KIAA0586: variants seen among roughly 807,000 people sequenced by gnomAD.
KIAA0586 encodes the protein protein TALPID3.
Under a neutral mutation model 169.8 loss-of-function variants are expected in KIAA0586, and 144 were observed. The observed-to-expected ratio is 0.85, with a 90% confidence interval of 0.74 to 0.97. The LOEUF is 0.97. Among genes scored for constraint, KIAA0586 ranks in the 50% least tolerant of loss-of-function variants. The pLI, the probability that KIAA0586 is intolerant of heterozygous loss-of-function variation, is 0.00. For synonymous variants in KIAA0586, 625 were observed against 612.4 expected (o/e 1.02, Z -0.30); for missense variants, 1,854 against 1,823.0 (o/e 1.02, Z -0.31).
chr14:58,444,136 G>T lies in KIAA0586; in HGVS notation c.768G>T (p.Arg256Ser), dbSNP rs757161449. The change falls in exon 6 of 31, where the codon AGG becomes AGT. Residue 256 changes from arginine to serine, a missense_variant. Physicochemically the swap from Arg to Ser is moderately radical, Grantham distance 110 (BLOSUM62 -1). Coordinates refer to ENST00000652326, the MANE Select transcript of KIAA0586 (RefSeq NM_001329943.3). ...ATGTGTTTATGGAGCAGCACATAAG[G>T]CATCTTGAAAAGTTACAACAACAAC... ...QMNVFMEQHIRHLEKLQQQQI... is the reference protein window; with the variant it reads ...QMNVFMEQHISHLEKLQQQQI... 16 of 1,613,172 alleles carry T rather than the reference G, an allele frequency of 9.9e-6. No individual in the cohort carries two copies. The highest frequency in any genetic ancestry group is 1.0e-5 in the Non-Finnish European group (12 of 1,179,448).
intron 4 of KIAA0586, among the ~76,000 whole-genome samples, chr14:58,438,334 C>G (rs184317849): frequency 7.9e-5 from 12 of 152,188 alleles, no homozygotes; most frequent in Admixed American, 7.2e-4. Flanking sequence ...TAATGTTTCT[C>G]TTATTGGGCA....
intron 25 of KIAA0586, 22 bp downstream of exon 25, chr14:58,490,262 C>CA: frequency 7.5e-7 from 1 of 1,335,976 alleles, no homozygotes; most frequent in Non-Finnish European, 1.0e-6. Context: ...TTGACTCCAA[C>CA]ACTGAATTCT....
rs2042766634 is a variant in KIAA0586, at chr14:58,490,466, AT to A, written c.3858+227del. On this transcript the variant is annotated intron_variant, in intron 25 of 30. Transcript: ENST00000652326. ...CCCTCGTGGCTCTAGTAGTAAAAAA[AT>A]ATACATTTAATGTAATTAGGTAATG... Among the ~76,000 whole-genome samples, 4 of 152,326 alleles carry A rather than the reference AT, an allele frequency of 2.6e-5. No individual in the cohort carries two copies. The South Asian group carries it at 8.3e-4, about 32-fold the overall frequency.
intron 29 of KIAA0586, among the ~76,000 whole-genome samples, chr14:58,525,736 C>T (rs953715678): frequency 1.3e-5 from 2 of 152,210 alleles, no homozygotes; most frequent in African/African-American, 4.8e-5. Context: ...CGAAACAGGG[C>T]TGAAGCCAGG....
chr14:58,539,758 G>T, intron 29 of KIAA0586: 1 of 203,336 alleles, frequency 4.9e-6, no homozygotes, highest in Non-Finnish European at 9.9e-6. Context: ...TTTCACCTTT[G>T]AAGAAATGGC....
Position 58,512,596 on chromosome 14 carries a change from T to C in KIAA0586, c.4398T>C (p.Asn1466=), listed in dbSNP as rs1480090158. 1 of 1,529,378 alleles carries C rather than the reference T, an allele frequency of 6.5e-7. No homozygotes were observed. Among genetic ancestry groups the C allele is most frequent in the Non-Finnish European group, 8.7e-7 (1 of 1,145,322 alleles). The allele number at this position is 1,529,378 out of a possible 1,614,324, so 94.7% of individuals were successfully genotyped here. The change falls in exon 29 of 31, where the codon AAT becomes AAC. Residue 1466 remains asparagine (N), a synonymous_variant. Coordinates refer to ENST00000652326, the MANE Select transcript of KIAA0586 (RefSeq NM_001329943.3). ...CACAAAGTTACCTACGTGTTAGAAATAAATCTGATATTGCACCTTCACAGC... is the reference window on the plus strand; with the variant it reads ...CACAAAGTTACCTACGTGTTAGAAACAAATCTGATATTGCACCTTCACAGC... ...KPSQSYLRVR[N]KSDIAPSQQQ...
Position 58,442,886 on chromosome 14 carries a change from T to G in KIAA0586, c.585+6T>G. 1 of 1,591,746 alleles carries G rather than the reference T, an allele frequency of 6.3e-7. No homozygotes were observed. The highest frequency in any genetic ancestry group is 8.6e-7 in the Non-Finnish European group (1 of 1,168,960). On this transcript the variant is annotated splice_donor_region_variant and intron_variant, in intron 5 of 30. Transcript: ENST00000652326. ...CCGCAGCTCCGTTGATAAAGGTATATTTTTCTTCCCAGATAATCATAACTA... is the reference window on the plus strand; with the variant it reads ...CCGCAGCTCCGTTGATAAAGGTATAGTTTTCTTCCCAGATAATCATAACTA...
At chr14:58,438,485 T>G (rs2038023231) in intron 4 of KIAA0586, among the ~76,000 whole-genome samples, 1 of 152,160 alleles carries the variant, frequency 6.6e-6, no homozygotes, top group South Asian at 2.1e-4. Flanking sequence ...TACTTGCTGT[T>G]TGGTATGAAA....
intron 25 of KIAA0586, 31 bp from the exon 26 acceptor site, chr14:58,492,113 T>C: frequency 6.9e-7 from 1 of 1,451,476 alleles, no homozygotes. Context: ...AAATAATTTA[T>C]TTTTATTAAT....
At chr14:58,555,169 C>T (rs1367716787), downstream of KIAA0586, among the ~76,000 whole-genome samples, 7 of 139,006 alleles carry the variant, frequency 5.0e-5, no homozygotes, top group Admixed American at 8.1e-5. Context: ...GGCACAATCT[C>T]GGCTCACTTC....
chr14:58,488,591 C>G lies in KIAA0586; in HGVS notation c.3528-30C>G, dbSNP rs776392718. The G allele has an allele frequency of 2.5e-6, 4 of 1,609,422 alleles. No homozygotes were observed. In the East Asian group the frequency reaches 6.7e-5, roughly 27 times the overall value. ...TGAATACAGGCCTTCAGTGACCTAACAAGCTCCAAATATGTCTTTATTTTC... is the reference window on the plus strand; with the variant it reads ...TGAATACAGGCCTTCAGTGACCTAAGAAGCTCCAAATATGTCTTTATTTTC... On this transcript the variant is annotated intron_variant, in intron 23 of 30. Transcript: ENST00000652326.
intron 6 of KIAA0586, among the ~76,000 whole-genome samples, chr14:58,447,519 C>CA (rs1368782217): frequency 6.7e-6 from 1 of 149,758 alleles, no homozygotes; most frequent in Non-Finnish European, 1.5e-5. Flanking sequence ...CCTGCTCTGT[C>CA]ACCCAGGCTG....
At chr14:58,484,925 T>TAAATATATA (rs1491269229) in intron 21 of KIAA0586, among the ~76,000 whole-genome samples, 11 of 12,994 alleles carry the variant, frequency 8.5e-4, no homozygotes, top group Non-Finnish European at 1.2e-3. Flanking sequence ...TATATATATA[T>TAAATATATA]TTTTTTTTTT....
rs373649439 is a variant in KIAA0586 at position 58,492,273 on chromosome 14, G to A, written c.3988G>A (p.Glu1330Lys). 19 of 1,539,788 alleles carry A rather than the reference G, an allele frequency of 1.2e-5. No individual in the cohort carries two copies. Among genetic ancestry groups the A allele is most frequent in the Middle Eastern group, 1.7e-4 (1 of 5,940 alleles). ...AVSQQAVYHS[E>K]DLENSVGELS... is the part of the protein sequence containing the mutation. ...TTCCCAGCAAGCAGTCTATCATTCAGAGGTACTTTTTAACTTTAATGACTT... is the reference window on the plus strand; with the variant it reads ...TTCCCAGCAAGCAGTCTATCATTCAAAGGTACTTTTTAACTTTAATGACTT... Residue 1330 changes from glutamate to lysine, a missense_variant and splice_region_variant, in exon 26 of 31, where the codon GAG becomes AAG. Physicochemically the swap from Glu to Lys is moderately conservative, Grantham distance 56. Transcript: ENST00000652326.
rs761745741 is a variant in KIAA0586 at position 58,487,042 on chromosome 14, T to A, written c.3180T>A (p.Pro1060=). 2.0e-5 allele frequency: 32 copies of A among 1,613,280 alleles called. 1 individual carries two copies. Among genetic ancestry groups the A allele is most frequent in the Non-Finnish European group, 8.5e-7 (1 of 1,179,370 alleles). The change falls in exon 22 of 31, where the codon CCT becomes CCA. Residue 1060 remains proline, a synonymous_variant. Coordinates refer to ENST00000652326, the MANE Select transcript of KIAA0586 (RefSeq NM_001329943.3). ...RVCTPLPTPQ[P]TPPCSPSSPA... ...GCACCCCACTGCCTACCCCACAGCC[T>A]ACGCCTCCTTGCTCACCTTCATCAC...
chr14:58,501,779 C>A (rs2043589260), intron 27 of KIAA0586, among the ~76,000 whole-genome samples: 1 of 152,120 alleles, frequency 6.6e-6, no homozygotes. Context: ...ACCCAAATTT[C>A]TTTATGTGTC....
At chr14:58,524,717 A>G (rs2045460446) in intron 29 of KIAA0586, among the ~76,000 whole-genome samples, 1 of 152,232 alleles carries the variant, frequency 6.6e-6, no homozygotes, top group South Asian at 2.1e-4. Context: ...ATTTCATGGT[A>G]ATTAAAGACA....
At chr14:58,427,664 T>C (rs2036931142), upstream of KIAA0586, 4 of 1,535,506 alleles carry the variant, frequency 2.6e-6, no homozygotes, top group Non-Finnish European at 3.5e-6. Context: ...GCATGCGTGT[T>C]GTGTCTCAAG....
rs75982284 is a variant in KIAA0586 at position 58,468,848 on chromosome 14, C to T, written c.2442+926C>T. ...TTACTTACAAATAATTAGAACACTC[C>T]AGTCCTTAGACTGCTCCAAGGTTCC... On this transcript the variant is annotated intron_variant, in intron 16 of 30. Coordinates refer to ENST00000652326, the MANE Select transcript of KIAA0586 (RefSeq NM_001329943.3). Among the ~76,000 whole-genome samples the T allele has an allele frequency of 6.2e-3, 940 of 152,332 alleles. 10 individuals carry two copies. The highest frequency in any genetic ancestry group is 0.021 in the African/African-American group (857 of 41,570).
Sources: gnomAD v4.1 joint callset for allele counts (sites outside exome capture counted in the v4.1 genomes callset) on GRCh38, gnomAD v4.1.1 for gene constraint, MANE v1.5 for transcripts, NCBI Gene and HGNC (gene_info 2026-07-23, HGNC 2026-07-21) for gene names.